Variants in ABI3BP observed in about 807,000 individuals in gnomAD.
ABI3BP encodes the protein target of Nesh-SH3.
A neutral mutation model predicts 268.6 loss-of-function variants in ABI3BP; 216 were observed. That is an observed-to-expected ratio of 0.80 (90% CI 0.72 to 0.90). The LOEUF is 0.90. Ranked by LOEUF, ABI3BP falls within the 40% of genes least tolerant of loss-of-function variation. The probability of loss-of-function intolerance (pLI) is 0.00; values close to 1 mark genes in which losing one functional copy is unlikely to be tolerated. For synonymous variants in ABI3BP, 730 were observed against 730.0 expected (o/e 1.00, Z 0.00); for missense variants, 2,090 against 2,182.4 (o/e 0.96, Z 0.84).
intron 60 of ABI3BP, among the ~76,000 whole-genome samples, chr3:100,774,909 C>G (rs572659737): frequency 6.6e-6 from 1 of 152,236 alleles, no homozygotes; most frequent in East Asian, 1.9e-4. Flanking sequence ...TTAATATGCA[C>G]TAATAACTTA....
At chr3:100,938,028 G>A (rs1355116896) in intron 1 of ABI3BP, among the ~76,000 whole-genome samples, 9 of 151,914 alleles carry the variant, frequency 5.9e-5, no homozygotes, top group African/African-American at 2.2e-4. Context: ...CATTATCCTT[G>A]GTAAACGAAC....
At chr3:100,911,963 G>A (rs2056673664) in intron 2 of ABI3BP, 1 of 919,974 alleles carries the variant, frequency 1.1e-6, no homozygotes. Flanking sequence ...CTTCACTTGA[G>A]GAATTATAAA....
chr3:100,832,877 G>A (rs2152823456), intron 30 of ABI3BP, among the ~76,000 whole-genome samples: 1 of 152,280 alleles, frequency 6.6e-6, no homozygotes, highest in South Asian at 2.1e-4. Flanking sequence ...AATTGTAGTT[G>A]GATCTTGGCT....
chr3:100,753,980 A>G, intron 64 of ABI3BP, 132 bp from the exon 65 acceptor site: 1 of 950,082 alleles, frequency 1.1e-6, no homozygotes, highest in Non-Finnish European at 1.6e-6. Context: ...TTTGCTAAGG[A>G]TTGAATTTGA....
At chr3:100,924,101 A>G (rs568251070) in intron 2 of ABI3BP, among the ~76,000 whole-genome samples, 4 of 152,300 alleles carry the variant, frequency 2.6e-5, no homozygotes, top group African/African-American at 9.6e-5. Context: ...GAGCCAGCTC[A>G]GAAAATACAG....
At position 100,829,647 on chromosome 3, in the gene ABI3BP, G is replaced by A. The variant is rs1336929320; in HGVS notation, c.2476C>T (p.Arg826Ter). ...GTTAAPKVPQ[R>*]THRPHPKPKT... ...GGTTTGGGATGTGGACGATGAGTTC[G>A]TTGAGGCACTTTGGGAGCTAAAGGA... Residue 826 changes from arginine to a stop codon, truncating the protein, a stop_gained, in exon 33 of 68, where the codon CGA becomes TGA. Transcript: ENST00000471714. LOFTEE classifies it high-confidence loss of function. 7.2e-6 allele frequency: 11 copies of A among 1,535,572 alleles called. No homozygotes were observed. In the East Asian group the frequency reaches 9.8e-5, roughly 14 times the overall value.
chr3:100,827,934 A>G (rs917202198), intron 34 of ABI3BP, among the ~76,000 whole-genome samples: 2 of 152,082 alleles, frequency 1.3e-5, no homozygotes, highest in African/African-American at 2.4e-5. Context: ...TAAAAATATT[A>G]CTCATACATT....
chr3:100,783,510 T>C (rs2096930587), intron 57 of ABI3BP, among the ~76,000 whole-genome samples: 1 of 152,194 alleles, frequency 6.6e-6, no homozygotes, highest in Non-Finnish European at 1.5e-5. Flanking sequence ...AGGGAGAAAG[T>C]CAGAGAGATT....
chr3:100,966,892 C>T (rs1398052962), intron 1 of ABI3BP, among the ~76,000 whole-genome samples: 1 of 151,970 alleles, frequency 6.6e-6, no homozygotes, highest in African/African-American at 2.4e-5. Context: ...CAAAGAACTT[C>T]ACCACGTTAT....
chr3:100,846,593 G>T, intron 19 of ABI3BP, 147 bp from the exon 20 acceptor site: 2 of 553,334 alleles, frequency 3.6e-6, no homozygotes, highest in Non-Finnish European at 6.3e-6. Flanking sequence ...ATTCCATTAA[G>T]AGAATATTTC....
chr3:100,820,775 C>CA (rs1444130968), intron 39 of ABI3BP, among the ~76,000 whole-genome samples: 9 of 152,132 alleles, frequency 5.9e-5, no homozygotes, highest in South Asian at 2.1e-4. Flanking sequence ...TCACCTTTAA[C>CA]AAAAAAATTG....
At chr3:100,988,739 G>C (rs1026057841) in intron 1 of ABI3BP, among the ~76,000 whole-genome samples, 2 of 152,142 alleles carry the variant, frequency 1.3e-5, no homozygotes, top group Admixed American at 1.3e-4. Flanking sequence ...CTGAAGACAA[G>C]TGCCAAGCTT....
intron 6 of ABI3BP, among the ~76,000 whole-genome samples, chr3:100,878,319 T>C (rs2099185277): frequency 6.6e-6 from 1 of 152,230 alleles, no homozygotes; most frequent in African/African-American, 2.4e-5. Context: ...AATCACTGTT[T>C]CCTTAAAACA....
At chr3:100,820,148 C>T (rs762446780) in intron 40 of ABI3BP, 72 bp downstream of exon 40, 46 of 1,295,754 alleles carry the variant, frequency 3.6e-5, no homozygotes, top group Non-Finnish European at 4.7e-5. Context: ...CCATCACTCC[C>T]ATCATTGGCA....
rs2098507504 is a variant in ABI3BP at position 100,832,351 on chromosome 3, C to G, written c.2315-1G>C. ...GTTCTTTTTGTTGTTGTTGTTGGAG[C>G]TGAAGGAAGAAAATTTAGGATTAAT... On this transcript the variant is annotated splice_acceptor_variant, in intron 30 of 67. Coordinates refer to ENST00000471714, the MANE Select transcript of ABI3BP (RefSeq NM_001375547.2). LOFTEE classifies it high-confidence loss of function. The G allele has an allele frequency of 2.6e-6, 4 of 1,535,082 alleles. No individual in the cohort carries two copies. The highest frequency in any genetic ancestry group is 1.7e-4 in the Middle Eastern group (1 of 5,998).
chr3:100,773,969 A>G (rs888042503), intron 61 of ABI3BP, among the ~76,000 whole-genome samples: 10 of 152,200 alleles, frequency 6.6e-5, no homozygotes, highest in Non-Finnish European at 1.3e-4. Flanking sequence ...GATTGCAAAG[A>G]CACATGATGA....
At chr3:100,990,446 C>A (rs1481454011) in intron 1 of ABI3BP, among the ~76,000 whole-genome samples, 1 of 151,836 alleles carries the variant, frequency 6.6e-6, no homozygotes, top group Non-Finnish European at 1.5e-5. Context: ...AGTCTCCAAG[C>A]TTTTAAAAAC....
chr3:100,806,454 C>T (rs1258123675), intron 50 of ABI3BP, among the ~76,000 whole-genome samples: 2 of 152,070 alleles, frequency 1.3e-5, no homozygotes, highest in East Asian at 1.9e-4. Flanking sequence ...TACATATACA[C>T]ACCTCCTTGA....
intron 20 of ABI3BP, chr3:100,843,653 G>T: frequency 4.1e-6 from 4 of 984,312 alleles, no homozygotes; most frequent in Non-Finnish European, 4.8e-6. Context: ...AAGAGAAAGG[G>T]AATTGTATGT....
Sources: allele counts gnomAD v4.1 joint callset (sites outside exome capture counted in the v4.1 genomes callset), GRCh38; gene constraint gnomAD v4.1.1; transcripts MANE v1.5; gene names NCBI Gene and HGNC (gene_info 2026-07-23, HGNC 2026-07-21).